Variants in PTPDC1 observed in about 807,000 individuals in gnomAD.
PTPDC1 encodes the protein protein tyrosine phosphatase domain containing 1.
PTPDC1 carries 53 observed loss-of-function variants against 75.3 expected under a neutral mutation model. The ratio of observed to expected loss-of-function variants is 0.70; its 90% confidence interval spans 0.56 to 0.88. PTPDC1 has a LOEUF of 0.88. Among genes scored for constraint, PTPDC1 ranks in the 40% least tolerant of loss-of-function variants. PTPDC1 has a pLI of 0.00. For synonymous variants in PTPDC1, 349 were observed against 366.2 expected (o/e 0.95, Z 0.54); for missense variants, 925 against 998.6 (o/e 0.93, Z 0.99).
intron 4 of PTPDC1, among the ~76,000 whole-genome samples, chr9:94,091,578 C>T (rs1279397763): frequency 6.6e-6 from 1 of 152,104 alleles, no homozygotes; most frequent in Non-Finnish European, 1.5e-5. Flanking sequence ...GCTTTGGTAT[C>T]AGAATGATGC....
chr9:94,066,890 C>T (rs925797480), intron 2 of PTPDC1, among the ~76,000 whole-genome samples: 1 of 152,070 alleles, frequency 6.6e-6, no homozygotes, highest in Non-Finnish European at 1.5e-5. Flanking sequence ...AATAAAAAAA[C>T]TTTTATTACA....
In PTPDC1 at chr9:94,098,583, T is replaced by C. The variant is rs945090363; in HGVS notation, c.2013+4T>C. On this transcript the variant is annotated splice_donor_region_variant and intron_variant, in intron 6 of 8. Coordinates refer to ENST00000620992, the MANE Select transcript of PTPDC1 (RefSeq NM_001253829.2). ...AAGGAAGGTAGAAATGTGGCAGGTATTATTAGTACTTAATTTAATTATAGA... is the reference window on the plus strand; with the variant it reads ...AAGGAAGGTAGAAATGTGGCAGGTACTATTAGTACTTAATTTAATTATAGA... 1.9e-6 allele frequency: 3 copies of C among 1,598,180 alleles called. No homozygotes were observed. The African/African-American group carries it at 4.0e-5, about 21-fold the overall frequency.
At chr9:94,103,602 T>G (rs72621405) in intron 7 of PTPDC1, among the ~76,000 whole-genome samples, 6,577 of 152,300 alleles carry the variant, frequency 0.043, 256 homozygotes, top group East Asian at 0.15. Context: ...TATTATAGAT[T>G]ATGCTCTTAG....
intron 1 of PTPDC1, among the ~76,000 whole-genome samples, chr9:94,043,725 A>G (rs1325528467): frequency 1.3e-5 from 2 of 152,190 alleles, no homozygotes; most frequent in Non-Finnish European, 2.9e-5. Flanking sequence ...TGTCTCAAAA[A>G]AATAAAAACT....
At position 94,044,821 on chromosome 9, in the gene PTPDC1, A is replaced by AG. The variant is rs565675539; in HGVS notation, c.-7+13699dup. Among the ~76,000 whole-genome samples, 564 of 151,678 alleles carry AG rather than the reference A, an allele frequency of 3.7e-3. 12 individuals are homozygous for AG. The highest frequency in any genetic ancestry group is 6.6e-4 in the Non-Finnish European group (45 of 67,944). ...CACATCTTGCCTCGTTCCTGATTTA[A>AG]GGGGGAAACATCAAGTCTCTCACTA... is the stretch of plus-strand genomic sequence containing the variant. On this transcript the variant is annotated intron_variant, in intron 1 of 9. Transcript: ENST00000375360.
intron 2 of PTPDC1, among the ~76,000 whole-genome samples, chr9:94,068,730 C>T (rs561707215): frequency 3.9e-5 from 6 of 152,184 alleles, no homozygotes; most frequent in Non-Finnish European, 8.8e-5. Flanking sequence ...TGATAGATAA[C>T]TGGAGATTTT....
At position 94,097,368 on chromosome 9, in the gene PTPDC1, G is replaced by A. The variant is rs549853437; in HGVS notation, c.802G>A (p.Asp268Asn). 2.0e-5 allele frequency: 32 copies of A among 1,613,498 alleles called. No homozygotes were observed. The South Asian group carries it at 3.2e-4, about 16-fold the overall frequency. ...AGTTTTTGCAACGAGAATGACTGCT[G>A]ACCAAGCAATTATATTTGTGCGGGC... ...YLVFATRMTA[D>N]QAIIFVRAKR... The change falls in exon 6 of 9, where the codon GAC (aspartate) becomes AAC (asparagine). Residue 268 changes from aspartate (D) to asparagine (N), a missense_variant. Transcript: ENST00000620992.
intron 2 of PTPDC1, among the ~76,000 whole-genome samples, chr9:94,073,028 C>T (rs1826565998): frequency 1.3e-5 from 2 of 152,060 alleles, no homozygotes; most frequent in Admixed American, 1.3e-4. Flanking sequence ...GTAATGTTAG[C>T]CCCATAAAAG....
chr9:94,081,972 A>G (rs1265142432), upstream of PTPDC1, among the ~76,000 whole-genome samples: 1 of 152,132 alleles, frequency 6.6e-6, no homozygotes, highest in Non-Finnish European at 1.5e-5. Context: ...ATGGATTTTA[A>G]CTCAACACTA....
At chr9:94,067,937 CT>C (rs1826370103) in intron 2 of PTPDC1, among the ~76,000 whole-genome samples, 2 of 152,154 alleles carry the variant, frequency 1.3e-5, no homozygotes, top group African/African-American at 2.4e-5. Context: ...CCCTCTGTCT[CT>C]TTTTCCTTAC....
intron 5 of PTPDC1, among the ~76,000 whole-genome samples, chr9:94,097,036 C>A (rs1353064215): frequency 6.6e-6 from 1 of 152,140 alleles, no homozygotes; most frequent in Non-Finnish European, 1.5e-5. Flanking sequence ...CACTTACTCA[C>A]CTACCTTGTG....
At chr9:94,055,912 A>G (rs1277316380) in intron 1 of PTPDC1, among the ~76,000 whole-genome samples, 1 of 152,124 alleles carries the variant, frequency 6.6e-6, no homozygotes, top group Non-Finnish European at 1.5e-5. Flanking sequence ...CACAGAGTGC[A>G]TTCTAAACCC....
chr9:94,088,552 T>C (rs1207062527), intron 4 of PTPDC1, among the ~76,000 whole-genome samples: 1 of 152,138 alleles, frequency 6.6e-6, no homozygotes, highest in Non-Finnish European at 1.5e-5. Context: ...CTTAAAGCAG[T>C]TGTGTAACAA....
chr9:94,077,130 ATT>A (rs1003891164), intron 2 of PTPDC1, among the ~76,000 whole-genome samples: 2 of 152,208 alleles, frequency 1.3e-5, no homozygotes, highest in Non-Finnish European at 2.9e-5. Context: ...AATCCAGACT[ATT>A]TTCATCAGAC....
intron 1 of PTPDC1, among the ~76,000 whole-genome samples, chr9:94,040,486 T>C (rs887612990): frequency 2.0e-5 from 3 of 152,198 alleles, no homozygotes; most frequent in African/African-American, 7.2e-5. Flanking sequence ...TTCCCCTGGA[T>C]ACCTGTAGAT....
At chr9:94,076,115 C>T (rs943926441) in intron 2 of PTPDC1, among the ~76,000 whole-genome samples, 1 of 152,160 alleles carries the variant, frequency 6.6e-6, no homozygotes, top group African/African-American at 2.4e-5. Flanking sequence ...ATTCTTCTGC[C>T]TCAGCCTCTC....
At chr9:94,049,582 C>T (rs921369037) in intron 1 of PTPDC1, among the ~76,000 whole-genome samples, 103 of 152,286 alleles carry the variant, frequency 6.8e-4, no homozygotes, top group Non-Finnish European at 1.1e-3. Flanking sequence ...CCGAGAGATC[C>T]GCTGTTAGTC....
intron 1 of PTPDC1, among the ~76,000 whole-genome samples, chr9:94,051,775 T>G (rs143084274): frequency 1.3e-5 from 2 of 152,288 alleles, no homozygotes; most frequent in Admixed American, 6.5e-5. Context: ...TAGTATTCCT[T>G]TATTATCTTT....
chr9:94,041,289 A>G (rs773683371), intron 1 of PTPDC1, among the ~76,000 whole-genome samples: 17 of 152,218 alleles, frequency 1.1e-4, no homozygotes, highest in Non-Finnish European at 2.2e-4. Flanking sequence ...TGGGGAAAGT[A>G]TCGTCATTTA....
Sources: gnomAD v4.1 joint callset for allele counts (sites outside exome capture counted in the v4.1 genomes callset) on GRCh38, gnomAD v4.1.1 for gene constraint, MANE v1.5 for transcripts, NCBI Gene and HGNC (gene_info 2026-07-23, HGNC 2026-07-21) for gene names.